RIMS2: variants seen among roughly 807,000 people sequenced by gnomAD.
RIMS2 encodes regulating synaptic membrane exocytosis 2, also known as regulating synaptic membrane exocytosis protein 2.
Under a neutral mutation model 174.4 loss-of-function variants are expected in RIMS2, and 59 were observed. The ratio of observed to expected loss-of-function variants is 0.34; its 90% CI spans 0.27 to 0.42. The LOEUF is 0.42. RIMS2 is among the 10% of genes least tolerant of loss of function. The pLI is 1.00. For synonymous variants in RIMS2, 606 were observed against 572.5 expected (o/e 1.06, Z -0.84); for missense variants, 1,620 against 1,666.3 (o/e 0.97, Z 0.48).
At chr8:103,791,719 G>A (rs574210822) in intron 3 of RIMS2, among the ~76,000 whole-genome samples, 20 of 152,252 alleles carry the variant, frequency 1.3e-4, no homozygotes, top group African/African-American at 3.9e-4. Context: ...TAAAGGGATG[G>A]AGGAAGATCT....
intron 1 of RIMS2, among the ~76,000 whole-genome samples, chr8:103,600,927 T>A (rs2094705626): frequency 6.6e-6 from 1 of 152,236 alleles, no homozygotes; most frequent in East Asian, 1.9e-4. Context: ...AGTTTTGATT[T>A]GTATTTCTCT....
At chr8:103,811,338 A>C (rs1341438281) in intron 3 of RIMS2, among the ~76,000 whole-genome samples, 1 of 152,160 alleles carries the variant, frequency 6.6e-6, no homozygotes, top group Non-Finnish European at 1.5e-5. Flanking sequence ...CACTCTGGAC[A>C]TTCTCATTGT....
exon 4 of RIMS2, chr8:103,885,375 A>G: frequency 1.2e-6 from 2 of 1,612,644 alleles, no homozygotes; most frequent in South Asian, 2.2e-5. Flanking sequence ...TATTCACAGT[A>G]TGCTACTTCG....
intron 17 of RIMS2, among the ~76,000 whole-genome samples, chr8:104,004,456 T>A (rs2095500658): frequency 6.6e-6 from 1 of 152,124 alleles, no homozygotes; most frequent in Non-Finnish European, 1.5e-5. Flanking sequence ...CTGTTGGATA[T>A]GTCAAGTGAG....
chr8:103,580,799 C>CA (rs2093566543), intron 1 of RIMS2, among the ~76,000 whole-genome samples: 1 of 147,796 alleles, frequency 6.8e-6, no homozygotes, highest in Non-Finnish European at 1.5e-5. Flanking sequence ...TCAAACTCCT[C>CA]AAAGAAACTG....
intron 3 of RIMS2, among the ~76,000 whole-genome samples, chr8:103,876,788 C>G (rs956306907): frequency 3.4e-5 from 5 of 145,842 alleles, no homozygotes; most frequent in African/African-American, 1.3e-4. Flanking sequence ...CTTTTTGTGG[C>G]TGAGTAGTAT....
At chr8:103,566,720 A>T (rs1389325996) in intron 1 of RIMS2, among the ~76,000 whole-genome samples, 1 of 152,112 alleles carries the variant, frequency 6.6e-6, no homozygotes, top group Non-Finnish European at 1.5e-5. Context: ...CTTGTTCTAT[A>T]TCCTTTCCTA....
At chr8:103,665,022 AG>A (rs2096651168) in intron 1 of RIMS2, among the ~76,000 whole-genome samples, 2 of 152,236 alleles carry the variant, frequency 1.3e-5, no homozygotes, top group African/African-American at 4.8e-5. Context: ...AAACTATCAC[AG>A]GGACAGAAAA....
intron 2 of RIMS2, among the ~76,000 whole-genome samples, chr8:103,756,052 A>G (rs2097996602): frequency 6.6e-6 from 1 of 152,118 alleles, no homozygotes; most frequent in Non-Finnish European, 1.5e-5. Flanking sequence ...GTTTCTCCCC[A>G]TCTTTGTGGT....
chr8:104,211,547 G>A (rs548121716), intron 19 of RIMS2, among the ~76,000 whole-genome samples: 21 of 151,076 alleles, frequency 1.4e-4, no homozygotes, highest in Non-Finnish European at 2.5e-4. Flanking sequence ...TAAGAGGTTC[G>A]TGACATGACC....
chr8:104,246,341 TA>T (rs1274692370), intron 20 of RIMS2, among the ~76,000 whole-genome samples: 3 of 152,166 alleles, frequency 2.0e-5, no homozygotes, highest in African/African-American at 7.2e-5. Flanking sequence ...CTTTCCTTTT[TA>T]TTTTTTTTGT....
Position 104,056,969 on chromosome 8 carries a change from C to G in RIMS2, c.3334+42354C>G, listed in dbSNP as rs150726106. The stretch of plus-strand genomic sequence containing the variant: ...AATCTGAGCAGTTTCAAGGTCCCGT[C>G]AACTCTGTGGTGGTTACTTCCACTG... On this transcript the variant is annotated intron_variant, in intron 19 of 23. Transcript: ENST00000504942. 7.2e-5 allele frequency among the ~76,000 whole-genome samples: 11 copies of G among 152,216 alleles called. No homozygotes were observed. In the East Asian group the frequency reaches 2.1e-3, roughly 29 times the overall value.
chr8:104,219,378 TG>T (rs779308171), intron 19 of RIMS2, among the ~76,000 whole-genome samples: 59 of 152,350 alleles, frequency 3.9e-4, no homozygotes, highest in South Asian at 1.0e-3. Context: ...GTTTGAGTCT[TG>T]CTCTGCCACT....
At chr8:104,105,330 G>A (rs1232307708) in intron 19 of RIMS2, among the ~76,000 whole-genome samples, 1 of 152,090 alleles carries the variant, frequency 6.6e-6, no homozygotes, top group African/African-American at 2.4e-5. Flanking sequence ...TTACAACCTA[G>A]GAAGAAGGAT....
intron 16 of RIMS2, among the ~76,000 whole-genome samples, chr8:103,983,570 A>G (rs1031686498): frequency 3.9e-5 from 6 of 152,190 alleles, no homozygotes; most frequent in East Asian, 3.9e-4. Flanking sequence ...ATGGAACACA[A>G]TAGAGAACCC....
chr8:104,147,087 T>G (rs533597189), intron 19 of RIMS2, among the ~76,000 whole-genome samples: 4 of 152,294 alleles, frequency 2.6e-5, no homozygotes, highest in African/African-American at 9.6e-5. Context: ...TTTGGCTCTT[T>G]TAAACGATAA....
intron 1 of RIMS2, among the ~76,000 whole-genome samples, chr8:103,590,193 C>G (rs2094180744): frequency 6.6e-6 from 1 of 151,114 alleles, no homozygotes; most frequent in African/African-American, 2.4e-5. Context: ...TCATGTATCC[C>G]ATAAATATAT....
rs116611151 is a variant in RIMS2 at position 103,890,270 on chromosome 8, G to A, written c.1624+4047G>A. ...GAAGCTTGTTTTCAGGGTGGAAAGA[G>A]TATGCTTAACTTGTTGAGATGTAAT... is the stretch of plus-strand genomic sequence containing the variant. On this transcript the variant is annotated intron_variant, in intron 4 of 23. Coordinates refer to ENST00000504942, the Ensembl canonical transcript of RIMS2. 7.4e-3 allele frequency among the ~76,000 whole-genome samples: 1,129 copies of A among 152,080 alleles called. 24 individuals are homozygous for A. Among genetic ancestry groups the A allele is most frequent in the African/African-American group, 0.026 (1,065 of 41,544 alleles).
At chr8:103,522,997 A>G (rs1187643762) in intron 1 of RIMS2, among the ~76,000 whole-genome samples, 2 of 152,156 alleles carry the variant, frequency 1.3e-5, no homozygotes, top group Non-Finnish European at 2.9e-5. Flanking sequence ...AGGGAATTTT[A>G]GAATCATAGT....
Sources: allele counts gnomAD v4.1 joint callset (sites outside exome capture counted in the v4.1 genomes callset), GRCh38; gene constraint gnomAD v4.1.1; transcripts MANE v1.5; gene names NCBI Gene and HGNC (gene_info 2026-07-23, HGNC 2026-07-21).